The following MBNL2 variants were observed in gnomAD, a reference collection of about 807,000 sequenced individuals.
MBNL2 encodes muscleblind-like protein 2.
Under a neutral mutation model 41.9 loss-of-function variants are expected in MBNL2, and 17 were observed. The ratio of observed to expected loss-of-function variants is 0.41; its 90% CI spans 0.28 to 0.61. The LOEUF (loss-of-function observed/expected upper bound fraction) is 0.61. Ranked by LOEUF, MBNL2 falls within the 20% of genes least tolerant of loss-of-function variation. The probability of loss-of-function intolerance (pLI) is 0.35; values close to 1 mark genes in which losing one functional copy is unlikely to be tolerated. For synonymous variants in MBNL2, 195 were observed against 182.9 expected (o/e 1.07, Z -0.53); for missense variants, 336 against 505.6 (o/e 0.66, Z 3.22).
At chr13:97,388,825 A>G (rs2066153593) in intron 8 of MBNL2, among the ~76,000 whole-genome samples, 1 of 152,216 alleles carries the variant, frequency 6.6e-6, no homozygotes, top group Non-Finnish European at 1.5e-5. Flanking sequence ...TAATAATCAG[A>G]AGATATTTCC....
upstream of MBNL2, among the ~76,000 whole-genome samples, chr13:97,216,511 G>C (rs1418971905): frequency 6.6e-6 from 1 of 152,096 alleles, no homozygotes; most frequent in Non-Finnish European, 1.5e-5. Flanking sequence ...CACAGACCAG[G>C]CCCGTCAGCA....
chr13:97,226,615 AT>A (rs758579392), intron 1 of MBNL2, among the ~76,000 whole-genome samples: 15 of 152,214 alleles, frequency 9.9e-5, no homozygotes, highest in Non-Finnish European at 2.2e-4. Context: ...AGTTTTAGTG[AT>A]TGGGGGAGAA....
the MBNL2 span, among the ~76,000 whole-genome samples, chr13:97,192,113 A>T: frequency 6.6e-6 from 1 of 152,208 alleles, no homozygotes; most frequent in African/African-American, 2.4e-5. Context: ...AGAGGTTAAC[A>T]TTCAAATCCT....
At chr13:97,161,544 A>G in the MBNL2 span, among the ~76,000 whole-genome samples, 9 of 152,188 alleles carry the variant, frequency 5.9e-5, no homozygotes, top group Non-Finnish European at 1.3e-4. Flanking sequence ...GTTTCAGGAT[A>G]AATTTATACA....
chr13:97,357,804 T>C (rs1186545822), intron 7 of MBNL2, 169 bp downstream of exon 7: 3 of 726,010 alleles, frequency 4.1e-6, no homozygotes, highest in Non-Finnish European at 7.3e-6. Context: ...GAATGATAGC[T>C]AAAGACTGTT....
At chr13:97,350,879 GA>G (rs1277932183) in intron 5 of MBNL2, among the ~76,000 whole-genome samples, 1 of 152,100 alleles carries the variant, frequency 6.6e-6, no homozygotes, top group African/African-American at 2.4e-5. Flanking sequence ...TGTTCATGTT[GA>G]TATTTTGATC....
intron 2 of MBNL2, among the ~76,000 whole-genome samples, chr13:97,313,368 A>G (rs2058768588): frequency 6.6e-6 from 1 of 152,184 alleles, no homozygotes; most frequent in Admixed American, 6.5e-5. Context: ...CTCACAACAC[A>G]TAGGACCCAC....
At position 97,346,749 on chromosome 13, in the gene MBNL2, G is replaced by A. The variant is rs1336741398; in HGVS notation, c.541-55G>A. The A allele has an allele frequency of 3.2e-6, 5 of 1,550,018 alleles. No individual in the cohort carries two copies. The African/African-American group carries it at 6.8e-5, about 21-fold the overall frequency. On this transcript the variant is annotated intron_variant, in intron 4 of 8. Transcript: ENST00000679496. The surrounding 1 kb of genome is among the most constrained non-coding windows in gnomAD (Gnocchi z 4.2). ...TCCTCCCGCGGTGGCCGGGGCCGCA[G>A]GGGCGCCTGGGCTCAGGCTTGCCTC...
intron 3 of MBNL2, among the ~76,000 whole-genome samples, chr13:97,338,584 A>G (rs557352951): frequency 3.9e-5 from 6 of 152,264 alleles, no homozygotes; most frequent in African/African-American, 1.4e-4. Context: ...TCCTCCTAGC[A>G]GCTTTTCTCT....
chr13:97,227,230 T>A (rs558527915), intron 1 of MBNL2, among the ~76,000 whole-genome samples: 3 of 152,132 alleles, frequency 2.0e-5, no homozygotes, highest in African/African-American at 7.2e-5. Context: ...GATGTAGCCA[T>A]GTTTATAGAA....
At chr13:97,305,245 T>C (rs962968296) in intron 2 of MBNL2, among the ~76,000 whole-genome samples, 8 of 152,232 alleles carry the variant, frequency 5.3e-5, no homozygotes, top group Non-Finnish European at 1.2e-4. Flanking sequence ...ATTACTCTTA[T>C]TTTCAAATTT....
At chr13:97,351,861 T>TA (rs1239721502) in intron 5 of MBNL2, among the ~76,000 whole-genome samples, 2 of 151,840 alleles carry the variant, frequency 1.3e-5, no homozygotes, top group African/African-American at 4.8e-5. Flanking sequence ...CCGTCTCTAC[T>TA]AAAAATACAA....
At chr13:97,182,410 A>G in the MBNL2 span, among the ~76,000 whole-genome samples, 1 of 152,230 alleles carries the variant, frequency 6.6e-6, no homozygotes, top group Non-Finnish European at 1.5e-5. Flanking sequence ...TATGCAATAC[A>G]TATATTAAAT....
chr13:97,356,787 T>A lies in MBNL2; in HGVS notation c.805-9T>A, dbSNP rs1301605381. On this transcript the variant is annotated splice_polypyrimidine_tract_variant and intron_variant, in intron 5 of 8. Transcript: ENST00000679496. ...CTGCCATCATGTGCTCGCTGCCTGT[T>A]ATTAAAAGACTCAGTCGACTGCCAA... The A allele has an allele frequency of 1.5e-6, 2 of 1,361,924 alleles. No individual in the cohort carries two copies. Among genetic ancestry groups the A allele is most frequent in the Admixed American group, 3.8e-5 (2 of 52,368 alleles). 84.4% of individuals were successfully genotyped at this position (1,361,924 alleles called of 1,614,324 possible).
intron 1 of MBNL2, among the ~76,000 whole-genome samples, chr13:97,252,509 A>G (rs1229011424): frequency 6.6e-6 from 1 of 152,232 alleles, no homozygotes; most frequent in Non-Finnish European, 1.5e-5. Context: ...GAATCTACAA[A>G]TATCTTTCAA....
At chr13:97,358,781 AAG>A (rs2063181079) in intron 7 of MBNL2, among the ~76,000 whole-genome samples, 1 of 152,210 alleles carries the variant, frequency 6.6e-6, no homozygotes, top group Admixed American at 6.5e-5. Context: ...TTCTAACAAA[AAG>A]AGTTTTTTGA....
chr13:97,245,358 G>C (rs1486356847), intron 1 of MBNL2, among the ~76,000 whole-genome samples: 1 of 152,120 alleles, frequency 6.6e-6, no homozygotes, highest in East Asian at 1.9e-4. Flanking sequence ...AGGATAGGGG[G>C]AAGGGAGGAA....
the MBNL2 span, among the ~76,000 whole-genome samples, chr13:97,196,513 A>G: frequency 6.6e-6 from 1 of 152,190 alleles, no homozygotes; most frequent in Non-Finnish European, 1.5e-5. Context: ...GATTAGCAAC[A>G]GCAGCAAGCC....
upstream of MBNL2, among the ~76,000 whole-genome samples, chr13:97,217,120 A>G (rs1236513196): frequency 1.3e-5 from 2 of 148,850 alleles, no homozygotes; most frequent in African/African-American, 2.4e-5. Context: ...CAGTATGCAT[A>G]TAATATATAG....
Sources: gnomAD v4.1 joint callset for allele counts (sites outside exome capture counted in the v4.1 genomes callset) on GRCh38, gnomAD v4.1.1 for gene constraint, Gnocchi (gnomAD v3.1) non-coding constraint, MANE v1.5 for transcripts, NCBI Gene and HGNC (gene_info 2026-07-23, HGNC 2026-07-21) for gene names.